The following KAZN variants were observed in gnomAD, a reference collection of about 807,000 sequenced individuals.
KAZN encodes the protein kazrin.
A neutral mutation model predicts 87.4 loss-of-function variants in KAZN; 40 were observed. The observed-to-expected ratio is 0.46, with a 90% CI of 0.36 to 0.60. The LOEUF (loss-of-function observed/expected upper bound fraction) is 0.60, where lower values mean the gene tolerates loss of function less well. Among genes scored for constraint, KAZN ranks in the 20% least tolerant of loss-of-function variants. The pLI is 0.00. For synonymous variants in KAZN, 466 were observed against 458.3 expected (o/e 1.02, Z -0.22); for missense variants, 898 against 1,073.9 (o/e 0.84, Z 2.29).
intron 2 of KAZN, among the ~76,000 whole-genome samples, chr1:14,261,459 G>C (rs183652700): frequency 1.3e-5 from 2 of 152,260 alleles, no homozygotes; most frequent in East Asian, 3.9e-4. Context: ...GGTCCCCGGG[G>C]GCCAGATCAG....
intron 2 of KAZN, among the ~76,000 whole-genome samples, chr1:14,381,514 G>A (rs938587859): frequency 6.6e-6 from 1 of 152,106 alleles, no homozygotes; most frequent in African/African-American, 2.4e-5. Flanking sequence ...ATGCAAGAAT[G>A]GTTCAACACA....
At chr1:14,530,357 G>A (rs558465078) in intron 2 of KAZN, among the ~76,000 whole-genome samples, 2 of 152,178 alleles carry the variant, frequency 1.3e-5, no homozygotes, top group Non-Finnish European at 2.9e-5. Context: ...GCCATCAGTG[G>A]ACTGCAGCCT....
At chr1:14,904,041 A>G (rs1656220594) in intron 1 of KAZN, among the ~76,000 whole-genome samples, 2 of 152,120 alleles carry the variant, frequency 1.3e-5, no homozygotes, top group South Asian at 4.1e-4. Context: ...GGGGACGTTC[A>G]CTGGTCAACG....
rs180706305 is a variant in KAZN, at chr1:13,921,751, G to A, written c.91+27995G>A. 9.4e-4 allele frequency among the ~76,000 whole-genome samples: 143 copies of A among 151,868 alleles called. 1 individual carries two copies. The highest frequency in any genetic ancestry group is 6.8e-3 in the Middle Eastern group (2 of 294). ...TGCCATTCTCCTGCCTCAGCCTCCC[G>A]AGTAGCTGGGACAACAGGTGTGGTC... On this transcript the variant is annotated intron_variant, in intron 1 of 16. Coordinates refer to the KAZN transcript ENST00000636203.
chr1:14,435,511 C>T lies in KAZN; in HGVS notation c.250-163472C>T, dbSNP rs921154095. On this transcript the variant is annotated intron_variant, in intron 2 of 16. Transcript: ENST00000636203. ...CACCTGGCCAGTTTTCCCAGCTGCCCGCAGGGATGTCCTGCTCCTTGATGG... is the reference window on the plus strand; with the variant it reads ...CACCTGGCCAGTTTTCCCAGCTGCCTGCAGGGATGTCCTGCTCCTTGATGG... 3.9e-5 allele frequency among the ~76,000 whole-genome samples: 6 copies of T among 152,298 alleles called. No homozygotes were observed. In the East Asian group the frequency reaches 5.8e-4, roughly 15 times the overall value.
At chr1:14,658,848 C>A (rs1242672856) in intron 1 of KAZN, among the ~76,000 whole-genome samples, 7 of 152,182 alleles carry the variant, frequency 4.6e-5, no homozygotes, top group Admixed American at 4.6e-4. Flanking sequence ...GCACTCCCAG[C>A]AGGATGCAGT....
chr1:14,960,555 C>A, intron 1 of KAZN, 129 bp from the exon 2 acceptor site: 1 of 942,566 alleles, frequency 1.1e-6, no homozygotes. Flanking sequence ...GGCCTCCCTT[C>A]ACACATGTAG....
At chr1:14,976,733 T>C (rs1460851268) in intron 2 of KAZN, among the ~76,000 whole-genome samples, 1 of 152,158 alleles carries the variant, frequency 6.6e-6, no homozygotes, top group African/African-American at 2.4e-5. Flanking sequence ...AGCACTGGGC[T>C]GAAGAACACA....
chr1:14,832,927 G>A (rs569015011), intron 1 of KAZN, among the ~76,000 whole-genome samples: 3 of 152,300 alleles, frequency 2.0e-5, no homozygotes, highest in Admixed American at 6.5e-5. Flanking sequence ...GTCGAAGGCC[G>A]CTTTTGTGCT....
intron 1 of KAZN, among the ~76,000 whole-genome samples, chr1:14,013,793 A>C (rs189007341): frequency 6.6e-6 from 1 of 152,156 alleles, no homozygotes; most frequent in South Asian, 2.1e-4. Flanking sequence ...TGGGTTTCTC[A>C]TTCTGTATAG....
At chr1:13,921,232 G>A (rs1316179151) in intron 1 of KAZN, among the ~76,000 whole-genome samples, 1 of 152,116 alleles carries the variant, frequency 6.6e-6, no homozygotes, top group Non-Finnish European at 1.5e-5. Context: ...ATTGATTCAT[G>A]GCCAATTTGA....
rs1039344560 is a variant in KAZN, at chr1:14,659,881, TA to T, written c.226+60671del. 3.0e-3 allele frequency among the ~76,000 whole-genome samples: 415 copies of T among 139,698 alleles called. 1 individual carries two copies. Among genetic ancestry groups the T allele is most frequent in the African/African-American group, 3.3e-3 (127 of 37,954 alleles). The allele number at this position is 139,698 out of a possible 152,430, so 91.6% of individuals were successfully genotyped here. The stretch of plus-strand genomic sequence containing the variant: ...AATCTTCAAAACAATACACATTCTT[TA>T]AAAAAAAAAAAAGAAAGCCAAACAA... On this transcript the variant is annotated intron_variant, in intron 1 of 14. Transcript: ENST00000376030.
chr1:15,068,548 G>T (rs2100581130), intron 8 of KAZN, among the ~76,000 whole-genome samples: 1 of 152,118 alleles, frequency 6.6e-6, no homozygotes, highest in Non-Finnish European at 1.5e-5. Flanking sequence ...GACCTCCGTG[G>T]ACCTCTGCGC....
intron 2 of KAZN, among the ~76,000 whole-genome samples, chr1:14,591,181 C>G (rs1002316545): frequency 6.6e-5 from 10 of 151,422 alleles, no homozygotes; most frequent in Admixed American, 4.6e-4. Flanking sequence ...GCCCCCCCCC[C>G]ATGGACACAG....
Position 13,965,450 on chromosome 1 carries a change from T to A in KAZN, c.91+71694T>A, listed in dbSNP as rs139552852. 1.6e-3 allele frequency among the ~76,000 whole-genome samples: 237 copies of A among 152,060 alleles called. 1 individual carries two copies. The highest frequency in any genetic ancestry group is 5.6e-3 in the African/African-American group (234 of 41,470). Reference sequence around the variant, plus strand: ...CAGATGTTCAACAATGGAAAGTGGGTGGTGGTGTTTTGTTAAGGTGGGTGC... The same window carrying A: ...CAGATGTTCAACAATGGAAAGTGGGAGGTGGTGTTTTGTTAAGGTGGGTGC... On this transcript the variant is annotated intron_variant, in intron 1 of 16. Transcript: ENST00000636203.
intron 2 of KAZN, among the ~76,000 whole-genome samples, chr1:15,000,826 G>A (rs772238520): frequency 4.6e-5 from 7 of 152,138 alleles, no homozygotes; most frequent in East Asian, 3.9e-4. Flanking sequence ...AGCTTTGGCC[G>A]GGTGCAGTGG....
intron 2 of KAZN, among the ~76,000 whole-genome samples, chr1:14,207,034 G>A (rs1447901900): frequency 6.7e-6 from 1 of 150,216 alleles, no homozygotes; most frequent in African/African-American, 2.5e-5. Flanking sequence ...TGTAATCTCA[G>A]CTCACTGCAA....
chr1:13,952,951 G>A (rs1641409038), intron 1 of KAZN, among the ~76,000 whole-genome samples: 1 of 152,136 alleles, frequency 6.6e-6, no homozygotes, highest in African/African-American at 2.4e-5. Flanking sequence ...AAGATATAGG[G>A]AGATACATTT....
intron 1 of KAZN, among the ~76,000 whole-genome samples, chr1:13,956,945 T>C (rs755618709): frequency 2.0e-5 from 3 of 152,138 alleles, no homozygotes; most frequent in Non-Finnish European, 2.9e-5. Flanking sequence ...ATTGTATGAA[T>C]TGTATTAATT....
Sources: gnomAD v4.1 joint callset for allele counts (sites outside exome capture counted in the v4.1 genomes callset) on GRCh38, gnomAD v4.1.1 for gene constraint, MANE v1.5 for transcripts, NCBI Gene and HGNC (gene_info 2026-07-23, HGNC 2026-07-21) for gene names.